SORBS2: variants seen among roughly 807,000 people sequenced by gnomAD.
The protein encoded by SORBS2 is sorbin and SH3 domain-containing protein 2.
Under a neutral mutation model 97.7 loss-of-function variants are expected in SORBS2, and 46 were observed. The ratio of observed to expected loss-of-function variants is 0.47; its 90% confidence interval spans 0.37 to 0.60. The LOEUF is 0.60. Ranked by LOEUF, SORBS2 falls within the 20% of genes least tolerant of loss-of-function variation. The pLI, the probability that SORBS2 is intolerant of heterozygous loss-of-function variation, is 0.00. For synonymous variants in SORBS2, 476 were observed against 473.4 expected, an observed-to-expected ratio of 1.01 and a Z score of -0.07; for missense variants, 1,316 against 1,282.3, an observed-to-expected ratio of 1.03 and a Z score of -0.40.
At chr4:185,845,858 C>T (rs563532417) in intron 1 of SORBS2, among the ~76,000 whole-genome samples, 2 of 152,192 alleles carry the variant, frequency 1.3e-5, no homozygotes, top group African/African-American at 2.4e-5. Flanking sequence ...AAAACTATTA[C>T]ACACCTTTCA....
intron 1 of SORBS2, among the ~76,000 whole-genome samples, chr4:185,816,507 T>C (rs980743475): frequency 1.1e-4 from 16 of 152,186 alleles, no homozygotes; most frequent in African/African-American, 3.9e-4. Context: ...AATGTCAAAA[T>C]AGGACATTGA....
chr4:185,614,478 A>T (rs1050566072), intron 11 of SORBS2: 1 of 194,038 alleles, frequency 5.2e-6, no homozygotes, highest in African/African-American at 2.4e-5. Flanking sequence ...TTTTTAAAAG[A>T]CTGAAAAATA....
chr4:185,704,614 T>C (rs1266747774), intron 2 of SORBS2, among the ~76,000 whole-genome samples: 2 of 151,920 alleles, frequency 1.3e-5, no homozygotes, highest in South Asian at 2.1e-4. Flanking sequence ...CCACCGCACC[T>C]GGCCCATTCA....
chr4:185,647,955 G>A (rs1052498863), intron 3 of SORBS2, among the ~76,000 whole-genome samples: 4 of 152,128 alleles, frequency 2.6e-5, no homozygotes, highest in Non-Finnish European at 5.9e-5. Context: ...ATTTTTTGAT[G>A]ACAAAGATAA....
intron 12 of SORBS2, among the ~76,000 whole-genome samples, chr4:185,598,446 T>A (rs2096171479): frequency 6.6e-6 from 1 of 152,224 alleles, no homozygotes; most frequent in Non-Finnish European, 1.5e-5. Context: ...TGAAACATCA[T>A]GGAGTCTGTA....
chr4:185,766,294 C>A (rs1258613336), intron 2 of SORBS2, among the ~76,000 whole-genome samples: 1 of 152,200 alleles, frequency 6.6e-6, no homozygotes, highest in East Asian at 1.9e-4. Flanking sequence ...CCTTCCAACA[C>A]TTGGCTCTGC....
chr4:185,864,911 C>CAAA (rs34469356), intron 1 of SORBS2, among the ~76,000 whole-genome samples: 13 of 140,826 alleles, frequency 9.2e-5, no homozygotes, highest in Non-Finnish European at 1.1e-4. Context: ...GACTCTGTCT[C>CAAA]AAAAAAAAAA....
Position 185,832,493 on chromosome 4 carries a change from A to G in SORBS2, c.-337-57127T>C, listed in dbSNP as rs529628690. On this transcript the variant is annotated intron_variant, in intron 1 of 20. Coordinates refer to the SORBS2 transcript ENST00000284776. ...AGTCAATGATTTTGATTTGTGTCAA[A>G]TGAGAGTATGGGAGAATTTGGTCAC... Among the ~76,000 whole-genome samples, 10 of 152,338 alleles carry G rather than the reference A, an allele frequency of 6.6e-5. No individual in the cohort carries two copies. The East Asian group carries it at 1.9e-3, about 29-fold the overall frequency.
chr4:185,875,810 C>T lies in SORBS2; in HGVS notation c.-338+80386G>A, dbSNP rs28436765. On this transcript the variant is annotated intron_variant, in intron 1 of 20. Coordinates refer to the SORBS2 transcript ENST00000284776. ...GTGTTGCTTGGCTTATCATAAAAGG[C>T]GTTCTAGAGTCTGTATTGTCTTTTG... Among the ~76,000 whole-genome samples, 370 of 152,270 alleles carry T rather than the reference C, an allele frequency of 2.4e-3. 1 individual carries two copies. Among genetic ancestry groups the T allele is most frequent in the African/African-American group, 8.7e-3 (360 of 41,560 alleles).
chr4:185,802,389 G>A (rs2099135026), intron 1 of SORBS2, among the ~76,000 whole-genome samples: 1 of 152,156 alleles, frequency 6.6e-6, no homozygotes, highest in South Asian at 2.1e-4. Flanking sequence ...TAAATTATAT[G>A]AAAATGCAAG....
chr4:185,838,406 C>T (rs184539604), intron 1 of SORBS2, among the ~76,000 whole-genome samples: 9 of 152,362 alleles, frequency 5.9e-5, no homozygotes, highest in African/African-American at 2.2e-4. Flanking sequence ...CTCCACCCTC[C>T]TCAACTCACG....
At position 185,622,899 on chromosome 4, in the gene SORBS2, GA is replaced by G; in HGVS notation, c.2215+14del. On this transcript the variant is annotated intron_variant, in intron 7 of 14. Transcript: ENST00000418609. The stretch of plus-strand genomic sequence containing the variant: ...TCTCTGAACCACAAGGAAAAAGAAA[GA>G]AAAGCTCATCCACCTTGGAGTGCAC... 1.3e-6 allele frequency: 2 copies of G among 1,566,820 alleles called. No homozygotes were observed. The highest frequency in any genetic ancestry group is 1.7e-6 in the Non-Finnish European group (2 of 1,156,210).
intron 2 of SORBS2, among the ~76,000 whole-genome samples, chr4:185,768,698 CAA>C (rs1207578871): frequency 2.4e-5 from 2 of 84,796 alleles, no homozygotes; most frequent in African/African-American, 4.7e-5. Flanking sequence ...GACTCTGTCT[CAA>C]AAAAAAAAAA....
At chr4:185,946,137 T>C (rs150827936) in intron 1 of SORBS2, among the ~76,000 whole-genome samples, 1,913 of 144,368 alleles carry the variant, frequency 0.013, 52 homozygotes, top group African/African-American at 0.047. Context: ...GTGTGTGACA[T>C]GTGTCTCCCT....
chr4:185,912,285 T>TA (rs1326095659), intron 1 of SORBS2, among the ~76,000 whole-genome samples: 2 of 152,068 alleles, frequency 1.3e-5, no homozygotes, highest in Non-Finnish European at 2.9e-5. Flanking sequence ...TGTTTGCTAT[T>TA]AAAGATAGAT....
chr4:185,618,000 G>C (rs574306380), intron 9 of SORBS2, among the ~76,000 whole-genome samples: 5 of 151,866 alleles, frequency 3.3e-5, no homozygotes, highest in Non-Finnish European at 7.4e-5. Context: ...TTTGAGACAG[G>C]GTCCTGCTCT....
chr4:185,603,248 T>TA (rs139587451), intron 12 of SORBS2, among the ~76,000 whole-genome samples: 3,947 of 149,232 alleles, frequency 0.026, 90 homozygotes, highest in South Asian at 0.062. Flanking sequence ...AAGAACAAGT[T>TA]AAAAAAAAAG....
intron 1 of SORBS2, among the ~76,000 whole-genome samples, chr4:185,905,783 T>A (rs2099250429): frequency 6.6e-6 from 1 of 152,058 alleles, no homozygotes; most frequent in South Asian, 2.1e-4. Context: ...TTTTTGTAGG[T>A]GTGTTTATGA....
exon 1 of SORBS2, chr4:185,956,343 C>G (rs775033388): frequency 6.6e-6 from 1 of 152,194 alleles, no homozygotes; most frequent in Non-Finnish European, 1.5e-5. Flanking sequence ...ACGGCATGTA[C>G]GTGGTGTTCA....
Sources: gnomAD v4.1 joint callset for allele counts (sites outside exome capture counted in the v4.1 genomes callset) on GRCh38, gnomAD v4.1.1 for gene constraint, MANE v1.5 for transcripts, NCBI Gene and HGNC (gene_info 2026-07-23, HGNC 2026-07-21) for gene names.